The following SCRG1 variants were observed in gnomAD, a reference collection of about 807,000 sequenced individuals.
SCRG1 encodes the protein scrapie-responsive protein 1.
In SCRG1, 3 loss-of-function variants were observed where a neutral mutation model predicts 7.7. The observed-to-expected ratio is 0.39, with a 90% CI of 0.18 to 1.01. SCRG1 has a LOEUF of 1.01. SCRG1 is among the 50% of genes least tolerant of loss of function. The pLI, the probability that SCRG1 is intolerant of heterozygous loss-of-function variation, is 0.36. For synonymous variants in SCRG1, 46 were observed against 41.2 expected, an observed-to-expected ratio of 1.12 and a Z score of -0.44; for missense variants, 110 against 117.2, an observed-to-expected ratio of 0.94 and a Z score of 0.28.
chr4:173,461,785 G>T, the SCRG1 span, among the ~76,000 whole-genome samples: 3 of 152,072 alleles, frequency 2.0e-5, no homozygotes, highest in Non-Finnish European at 4.4e-5. Flanking sequence ...ATTCAAATTA[G>T]CTGTGTTGAG....
the SCRG1 span, among the ~76,000 whole-genome samples, chr4:173,502,790 A>G: frequency 6.6e-6 from 1 of 152,204 alleles, no homozygotes; most frequent in East Asian, 1.9e-4. This position sits in a 1 kb window ranked among gnomAD's most constrained non-coding sequence, Gnocchi z 4.6. Context: ...AGGTCCAAAC[A>G]AAACAGTTTT....
the SCRG1 span, among the ~76,000 whole-genome samples, chr4:173,454,091 A>AAG: frequency 6.6e-6 from 1 of 151,664 alleles, no homozygotes; most frequent in Non-Finnish European, 1.5e-5. Flanking sequence ...AAAAAAAAAA[A>AAG]AAGAACTGAC....
At chr4:173,476,258 G>T in the SCRG1 span, among the ~76,000 whole-genome samples, 1 of 150,746 alleles carries the variant, frequency 6.6e-6, no homozygotes, top group Non-Finnish European at 1.5e-5. Flanking sequence ...TCCTGGGCAA[G>T]GGCCTGCACC....
At chr4:173,419,214 T>C in the SCRG1 span, 1 of 453,108 alleles carries the variant, frequency 2.2e-6, no homozygotes, top group Admixed American at 3.1e-5. Context: ...ATTGTCTTTA[T>C]CTGAAAAATC....
the SCRG1 span, among the ~76,000 whole-genome samples, chr4:173,420,797 T>A: frequency 6.6e-6 from 1 of 152,130 alleles, no homozygotes; most frequent in Non-Finnish European, 1.5e-5. Context: ...TATAAATTGC[T>A]TGTAAATGAA....
chr4:173,481,551 TTAAG>T, the SCRG1 span, among the ~76,000 whole-genome samples: 2 of 152,094 alleles, frequency 1.3e-5, no homozygotes, highest in Non-Finnish European at 2.9e-5. Flanking sequence ...AAAAGTTACA[TTAAG>T]TGTGTCTGGC....
chr4:173,399,785 CTGT>C (rs1739714503), upstream of SCRG1, among the ~76,000 whole-genome samples: 6 of 152,222 alleles, frequency 3.9e-5, no homozygotes, highest in South Asian at 1.2e-3. Flanking sequence ...CATCTGTTAA[CTGT>C]TGTTTAGGTT....
upstream of SCRG1, among the ~76,000 whole-genome samples, chr4:173,406,872 T>G (rs879468590): frequency 1.4e-4 from 22 of 152,214 alleles, no homozygotes; most frequent in Non-Finnish European, 2.5e-4. Context: ...TACTTTCACT[T>G]GTTGGAGGAC....
chr4:173,497,088 A>G, the SCRG1 span, among the ~76,000 whole-genome samples: 23 of 152,204 alleles, frequency 1.5e-4, no homozygotes, highest in Non-Finnish European at 2.8e-4. Context: ...CCTGGGCAAC[A>G]GAGTGAGACT....
chr4:173,460,945 G>A, the SCRG1 span, among the ~76,000 whole-genome samples: 1 of 152,196 alleles, frequency 6.6e-6, no homozygotes, highest in Non-Finnish European at 1.5e-5. Flanking sequence ...CCTCATGGCC[G>A]GGGGTGATGG....
chr4:173,516,843 C>T, the SCRG1 span, among the ~76,000 whole-genome samples: 814 of 152,334 alleles, frequency 5.3e-3, 9 homozygotes, highest in African/African-American at 0.019. Context: ...CCCAGTTCTT[C>T]CCCGCATAGT....
At chr4:173,484,202 A>C in the SCRG1 span, among the ~76,000 whole-genome samples, 1 of 76,526 alleles carries the variant, frequency 1.3e-5, no homozygotes, top group Admixed American at 2.2e-4. Flanking sequence ...ATTATATATT[A>C]TATATATTTT....
chr4:173,456,024 A>C, the SCRG1 span, among the ~76,000 whole-genome samples: 1 of 152,198 alleles, frequency 6.6e-6, no homozygotes. Flanking sequence ...GAGGGGGTCA[A>C]GGGGAACCCG....
At chr4:173,435,322 G>A in the SCRG1 span, among the ~76,000 whole-genome samples, 1 of 152,120 alleles carries the variant, frequency 6.6e-6, no homozygotes, top group Non-Finnish European at 1.5e-5. Flanking sequence ...TTTTTGAAGG[G>A]CTTTTGATCA....
At chr4:173,427,982 A>G in the SCRG1 span, among the ~76,000 whole-genome samples, 1 of 152,256 alleles carries the variant, frequency 6.6e-6, no homozygotes, top group African/African-American at 2.4e-5. Context: ...TAGACGACCT[A>G]TGCATATGTA....
At chr4:173,463,361 C>A in the SCRG1 span, among the ~76,000 whole-genome samples, 2 of 151,828 alleles carry the variant, frequency 1.3e-5, no homozygotes, top group East Asian at 3.9e-4. Flanking sequence ...GCAACCTCTG[C>A]CCCCCCGGGT....
Position 173,405,257 on chromosome 4 carries a change from T to C in SCRG1, c.-747-825A>G, listed in dbSNP as rs1433566818. On this transcript the variant is annotated intron_variant and NMD_transcript_variant, in intron 1 of 8. Coordinates refer to the SCRG1 transcript ENST00000512188. Reference sequence around the variant, plus strand: ...ACTTAGATCTGTCTAATATTGGTCTTATGGTTAAACTTGGGTTATGTGTTT... The same window carrying C: ...ACTTAGATCTGTCTAATATTGGTCTCATGGTTAAACTTGGGTTATGTGTTT... Among the ~76,000 whole-genome samples, 3 of 152,200 alleles carry C rather than the reference T, an allele frequency of 2.0e-5. No homozygotes were observed. The East Asian group carries it at 5.8e-4, about 29-fold the overall frequency.
At chr4:173,508,105 G>A in the SCRG1 span, among the ~76,000 whole-genome samples, 74 of 152,180 alleles carry the variant, frequency 4.9e-4, no homozygotes, top group Non-Finnish European at 9.8e-4. The surrounding 1 kb of genome is among the most constrained non-coding windows in gnomAD (Gnocchi z 4.4). Flanking sequence ...CCCGAGAAAA[G>A]CCCTGTCGGC....
At chr4:173,488,191 A>G in the SCRG1 span, among the ~76,000 whole-genome samples, 1 of 152,052 alleles carries the variant, frequency 6.6e-6, no homozygotes, top group Admixed American at 6.6e-5. Context: ...TTATTTTCTG[A>G]GCTGAGCTAA....
Sources: gnomAD v4.1 joint callset for allele counts (sites outside exome capture counted in the v4.1 genomes callset) on GRCh38, gnomAD v4.1.1 for gene constraint, Gnocchi (gnomAD v3.1) non-coding constraint, MANE v1.5 for transcripts, NCBI Gene and HGNC (gene_info 2026-07-23, HGNC 2026-07-21) for gene names.